FTO: variants seen among roughly 807,000 people sequenced by gnomAD.
FTO encodes FTO alpha-ketoglutarate dependent dioxygenase, also known as alpha-ketoglutarate-dependent dioxygenase FTO.
FTO carries 47 observed loss-of-function variants against 63.9 expected under a neutral mutation model. That is an observed-to-expected ratio of 0.74 (90% CI 0.58 to 0.94). The LOEUF (loss-of-function observed/expected upper bound fraction) is 0.94, where lower values mean the gene tolerates loss of function less well. Among genes scored for constraint, FTO ranks in the 40% least tolerant of loss-of-function variants. The pLI is 0.00. For missense variants in FTO, 562 were observed against 618.1 expected (o/e 0.91, Z 0.96); for synonymous variants, 207 against 224.4 (o/e 0.92, Z 0.69).
At chr16:53,834,304 G>A (rs1422207364) in intron 3 of FTO, among the ~76,000 whole-genome samples, 4 of 152,298 alleles carry the variant, frequency 2.6e-5, no homozygotes, top group East Asian at 3.9e-4. Flanking sequence ...GATTATAGGC[G>A]TGAGCCACCG....
chr16:54,036,335 G>T (rs2084940666), intron 8 of FTO, among the ~76,000 whole-genome samples: 1 of 152,118 alleles, frequency 6.6e-6, no homozygotes. Context: ...ATGCATACGA[G>T]GGTGTTCATT....
chr16:53,833,730 C>T (rs575842710), intron 3 of FTO, among the ~76,000 whole-genome samples: 5 of 152,190 alleles, frequency 3.3e-5, no homozygotes, highest in Admixed American at 6.5e-5. Context: ...TCCACATCTA[C>T]GCCAACACTT....
At chr16:54,036,162 A>G (rs2084936927) in intron 8 of FTO, among the ~76,000 whole-genome samples, 1 of 152,200 alleles carries the variant, frequency 6.6e-6, no homozygotes, top group South Asian at 2.1e-4. Flanking sequence ...AAAAAAGCTC[A>G]TGTTTTCAAC....
chr16:53,898,882 C>G (rs1022982043), intron 7 of FTO, among the ~76,000 whole-genome samples: 1 of 152,134 alleles, frequency 6.6e-6, no homozygotes, highest in African/African-American at 2.4e-5. Context: ...GCTGTGTTGA[C>G]CAGGCTGGTC....
At chr16:53,873,586 G>T (rs8046502) in intron 4 of FTO, among the ~76,000 whole-genome samples, 200 bp from the exon 5 acceptor site, 7 of 150,204 alleles carry the variant, frequency 4.7e-5, no homozygotes, top group Non-Finnish European at 1.0e-4. Flanking sequence ...AAGTAGATAC[G>T]CATATAATGG....
chr16:53,878,821 A>G (rs1442472092), intron 5 of FTO, among the ~76,000 whole-genome samples: 1 of 152,200 alleles, frequency 6.6e-6, no homozygotes, highest in African/African-American at 2.4e-5. Flanking sequence ...GAGAGGGATG[A>G]ACTAGTTATC....
intron 5 of FTO, 116 bp from the exon 6 acceptor site, chr16:53,879,728 G>A (rs1447818721): frequency 1.7e-5 from 17 of 995,460 alleles, no homozygotes; most frequent in Non-Finnish European, 2.7e-5. Context: ...TATAGACTGA[G>A]CCATGGGGCA....
chr16:54,012,949 C>T (rs2084362532), intron 8 of FTO, among the ~76,000 whole-genome samples: 1 of 152,178 alleles, frequency 6.6e-6, no homozygotes, highest in African/African-American at 2.4e-5. Context: ...GCTAACACAA[C>T]ACCCATTCTA....
chr16:53,909,508 A>C (rs979327997), intron 7 of FTO, among the ~76,000 whole-genome samples: 1 of 149,020 alleles, frequency 6.7e-6, no homozygotes, highest in African/African-American at 2.5e-5. Context: ...TTGGTGGGTG[A>C]AAAAGAGGGA....
chr16:54,040,724 TGTC>T (rs1473181697), intron 8 of FTO: 1 of 152,154 alleles, frequency 6.6e-6, no homozygotes, highest in Non-Finnish European at 1.5e-5. Flanking sequence ...ATGGGCTTAA[TGTC>T]GTGGAGAAAC....
At chr16:53,862,823 G>A (rs1379364243) in intron 4 of FTO, among the ~76,000 whole-genome samples, 1 of 152,114 alleles carries the variant, frequency 6.6e-6, no homozygotes, top group Non-Finnish European at 1.5e-5. Flanking sequence ...GGGATTACCG[G>A]TGTGAGCCAC....
chr16:53,739,632 A>C (rs2076485059), intron 1 of FTO, among the ~76,000 whole-genome samples: 1 of 152,218 alleles, frequency 6.6e-6, no homozygotes, highest in Non-Finnish European at 1.5e-5. Flanking sequence ...AGATTATCCA[A>C]AAGTAATTTA....
At chr16:54,076,100 A>G (rs893493524) in intron 8 of FTO, among the ~76,000 whole-genome samples, 2 of 151,836 alleles carry the variant, frequency 1.3e-5, no homozygotes, top group Admixed American at 6.6e-5. Flanking sequence ...TAATCTGTAT[A>G]CTCTAGAGGT....
At chr16:53,950,309 T>G (rs2082761053) in intron 8 of FTO, among the ~76,000 whole-genome samples, 1 of 152,056 alleles carries the variant, frequency 6.6e-6, no homozygotes, top group Non-Finnish European at 1.5e-5. Context: ...TCAAAAAGCC[T>G]CGTTACTGAG....
intron 8 of FTO, among the ~76,000 whole-genome samples, chr16:54,065,715 C>T (rs1433992859): frequency 1.3e-5 from 2 of 152,246 alleles, no homozygotes; most frequent in East Asian, 3.9e-4. Context: ...CAGAGAAAAC[C>T]GGGCCACCTC....
chr16:54,037,752 T>C (rs1476478851), intron 8 of FTO, among the ~76,000 whole-genome samples: 1 of 152,174 alleles, frequency 6.6e-6, no homozygotes, highest in Non-Finnish European at 1.5e-5. Context: ...CATAGAAACA[T>C]GGAGAAATGC....
chr16:53,743,743 C>A (rs1166103077), intron 1 of FTO, among the ~76,000 whole-genome samples: 1 of 151,712 alleles, frequency 6.6e-6, no homozygotes, highest in East Asian at 1.9e-4. Flanking sequence ...CTTTAACTTA[C>A]ATGTATTATC....
intron 8 of FTO, among the ~76,000 whole-genome samples, chr16:54,083,362 C>A (rs1460046534): frequency 6.6e-6 from 1 of 152,164 alleles, no homozygotes; most frequent in Non-Finnish European, 1.5e-5. Flanking sequence ...AAGTTAATTT[C>A]TTTGCAAGCA....
Position 53,788,133 on chromosome 16 carries a change from G to T in FTO, c.46-22007G>T, listed in dbSNP as rs113613173. Among the ~76,000 whole-genome samples, 621 of 152,186 alleles carry T rather than the reference G, an allele frequency of 4.1e-3. 7 individuals are homozygous for T. The highest frequency in any genetic ancestry group is 5.3e-3 in the Non-Finnish European group (357 of 67,988). ...ATGTAGAATATGTGCCCTGAATTAG[G>T]AGAAAAAAGTAGAGATTCCTGAGTT... is the stretch of plus-strand genomic sequence containing the variant. On this transcript the variant is annotated intron_variant, in intron 1 of 8. Transcript: ENST00000471389.
Sources: gnomAD v4.1 joint callset for allele counts (sites outside exome capture counted in the v4.1 genomes callset) on GRCh38, gnomAD v4.1.1 for gene constraint, MANE v1.5 for transcripts, NCBI Gene and HGNC (gene_info 2026-07-23, HGNC 2026-07-21) for gene names.